ZNF521: variants seen among roughly 807,000 people sequenced by gnomAD.
ZNF521 encodes zinc finger protein 521, also known as LYST-interacting protein 3.
ZNF521 carries 14 observed loss-of-function variants against 105.5 expected under a neutral mutation model. The observed-to-expected ratio is 0.13, with a 90% CI of 0.09 to 0.21. The LOEUF (loss-of-function observed/expected upper bound fraction) is 0.21. Ranked by LOEUF, ZNF521 falls within the 10% of genes least tolerant of loss-of-function variation. The pLI is 1.00. For missense variants in ZNF521, 1,233 were observed against 1,629.7 expected (o/e 0.76, Z 4.19); for synonymous variants, 635 against 606.0 (o/e 1.05, Z -0.70).
At chr18:25,168,836 G>C (rs528695778) in intron 5 of ZNF521, among the ~76,000 whole-genome samples, 1 of 152,098 alleles carries the variant, frequency 6.6e-6, no homozygotes, top group Admixed American at 6.5e-5. Flanking sequence ...GAGTAAACTG[G>C]GAAGGCAGGT....
chr18:25,154,631 G>A (rs4327130), intron 5 of ZNF521, among the ~76,000 whole-genome samples: 137,452 of 152,118 alleles, frequency 0.9, 62,843 homozygotes, highest in Non-Finnish European at 0.98. Flanking sequence ...TCACCTATAA[G>A]TAACTCAAAT....
At chr18:25,220,506 C>T (rs1905645792) in intron 4 of ZNF521, among the ~76,000 whole-genome samples, 1 of 152,136 alleles carries the variant, frequency 6.6e-6, no homozygotes, top group African/African-American at 2.4e-5. Flanking sequence ...TAACCCCTTG[C>T]CTACCACTTA....
At chr18:25,171,203 C>T (rs192014575) in intron 5 of ZNF521, among the ~76,000 whole-genome samples, 26 of 152,240 alleles carry the variant, frequency 1.7e-4, no homozygotes, top group Admixed American at 9.2e-4. Flanking sequence ...CTGCATTCTG[C>T]TCACCTCACA....
intron 4 of ZNF521, among the ~76,000 whole-genome samples, chr18:25,204,331 A>G (rs34257595): frequency 0.017 from 2,623 of 152,270 alleles, 72 homozygotes; most frequent in African/African-American, 0.055. Flanking sequence ...CTCTTTAAAT[A>G]TTAGATAAAA....
At chr18:25,149,983 C>A (rs904218106) in intron 5 of ZNF521, among the ~76,000 whole-genome samples, 6 of 152,150 alleles carry the variant, frequency 3.9e-5, no homozygotes, top group African/African-American at 7.2e-5. Flanking sequence ...TGTTTTTGGT[C>A]TTTCTGCCTA....
At chr18:25,349,700 G>A (rs1436356923) in intron 2 of ZNF521, among the ~76,000 whole-genome samples, 1 of 151,598 alleles carries the variant, frequency 6.6e-6, no homozygotes, top group African/African-American at 2.4e-5. Flanking sequence ...GGGGCGCCGC[G>A]GCCCGGCAGC....
chr18:25,077,242 C>T (rs1350577754), intron 7 of ZNF521, among the ~76,000 whole-genome samples: 1 of 152,206 alleles, frequency 6.6e-6, no homozygotes, highest in East Asian at 1.9e-4. Flanking sequence ...GAAGAAAGAA[C>T]GTGAGCTATG....
intron 3 of ZNF521, among the ~76,000 whole-genome samples, chr18:25,320,700 T>C (rs1045981398): frequency 1.3e-5 from 2 of 152,192 alleles, no homozygotes; most frequent in African/African-American, 4.8e-5. Flanking sequence ...AAGTTCCTTA[T>C]ATTATTTTTT....
In ZNF521 at chr18:25,183,277, C is replaced by T. The variant is rs117566774; in HGVS notation, c.3658+11883G>A. On this transcript the variant is annotated intron_variant, in intron 5 of 7. Transcript: ENST00000361524. ...TACTCAGTTAAAAAAAATGGAAATA[C>T]TTATTATAAAGCTCAATTGATGTTA... Among the ~76,000 whole-genome samples the T allele has an allele frequency of 5.1e-3, 783 of 152,202 alleles. 7 individuals are homozygous for T. The highest frequency in any genetic ancestry group is 7.9e-3 in the Non-Finnish European group (535 of 67,996).
intron 3 of ZNF521, among the ~76,000 whole-genome samples, chr18:25,320,804 A>G (rs1277594662): frequency 6.6e-6 from 1 of 152,210 alleles, no homozygotes; most frequent in African/African-American, 2.4e-5. Context: ...GCCAATATTT[A>G]TATAAGCAAC....
chr18:25,234,574 C>T (rs1210174232), intron 3 of ZNF521, among the ~76,000 whole-genome samples: 2 of 151,924 alleles, frequency 1.3e-5, no homozygotes, highest in Non-Finnish European at 2.9e-5. Flanking sequence ...AAAATTTCGG[C>T]CTGCCTCAAC....
At chr18:25,276,726 C>T (rs1474460085) in intron 3 of ZNF521, among the ~76,000 whole-genome samples, 5 of 152,190 alleles carry the variant, frequency 3.3e-5, no homozygotes, top group Admixed American at 6.5e-5. Context: ...CGTTCATATG[C>T]GCACGTCACT....
intron 3 of ZNF521, among the ~76,000 whole-genome samples, chr18:25,245,087 C>T (rs1907610947): frequency 6.6e-6 from 1 of 152,146 alleles, no homozygotes; most frequent in Admixed American, 6.5e-5. Flanking sequence ...ATCAACTTTG[C>T]TATAGCAAAT....
At chr18:25,232,441 C>A (rs1906596005) in intron 3 of ZNF521, among the ~76,000 whole-genome samples, 1 of 152,172 alleles carries the variant, frequency 6.6e-6, no homozygotes, top group African/African-American at 2.4e-5. Context: ...ATAGCATAAA[C>A]ATATTTTAAT....
At chr18:25,217,604 T>G (rs1033088790) in intron 4 of ZNF521, among the ~76,000 whole-genome samples, 12 of 152,068 alleles carry the variant, frequency 7.9e-5, no homozygotes, top group Admixed American at 3.9e-4. Context: ...CCTGCAAAAA[T>G]AAGAAGATAT....
chr18:25,187,034 G>A (rs917814648), intron 5 of ZNF521, among the ~76,000 whole-genome samples: 2 of 152,066 alleles, frequency 1.3e-5, no homozygotes, highest in Non-Finnish European at 2.9e-5. Flanking sequence ...CGTCTCACAG[G>A]CGTTTTATTA....
chr18:25,268,765 A>T (rs779321751), intron 3 of ZNF521, among the ~76,000 whole-genome samples: 2 of 152,192 alleles, frequency 1.3e-5, no homozygotes, highest in Non-Finnish European at 2.9e-5. Context: ...GCCTTACAAG[A>T]ACTCCTGAAG....
At chr18:25,253,457 T>C (rs1474680173) in intron 3 of ZNF521, among the ~76,000 whole-genome samples, 3 of 152,204 alleles carry the variant, frequency 2.0e-5, no homozygotes, top group African/African-American at 7.2e-5. Context: ...TATATTTTTG[T>C]GACTTATACT....
At chr18:25,099,721 T>C (rs1002692899) in intron 5 of ZNF521, among the ~76,000 whole-genome samples, 2 of 152,242 alleles carry the variant, frequency 1.3e-5, no homozygotes, top group Non-Finnish European at 2.9e-5. Context: ...GCATTTATTA[T>C]ACTCTTTGTT....
Sources: gnomAD v4.1 joint callset for allele counts (sites outside exome capture counted in the v4.1 genomes callset) on GRCh38, gnomAD v4.1.1 for gene constraint, MANE v1.5 for transcripts, NCBI Gene and HGNC (gene_info 2026-07-23, HGNC 2026-07-21) for gene names.